The following UNC5B variants were observed in gnomAD, a reference collection of about 807,000 sequenced individuals.
UNC5B encodes unc-5 netrin receptor B, also known as netrin receptor UNC5B.
UNC5B carries 56 observed loss-of-function variants against 103.7 expected under a neutral mutation model. The ratio of observed to expected loss-of-function variants is 0.54; its 90% CI spans 0.44 to 0.67. The LOEUF is 0.67. Among genes scored for constraint, UNC5B ranks in the 30% least tolerant of loss-of-function variants. UNC5B has a pLI of 0.00. For missense variants in UNC5B, 1,194 were observed against 1,284.5 expected, an observed-to-expected ratio of 0.93 and a Z score of 1.08; for synonymous variants, 577 against 542.0, an observed-to-expected ratio of 1.06 and a Z score of -0.90.
At chr10:71,231,352 G>A (rs765237557) in intron 1 of UNC5B, among the ~76,000 whole-genome samples, 3 of 152,208 alleles carry the variant, frequency 2.0e-5, no homozygotes, top group Non-Finnish European at 2.9e-5. Flanking sequence ...GAGTGCTCTC[G>A]CACTGAGCTT....
intron 1 of UNC5B, among the ~76,000 whole-genome samples, chr10:71,232,264 T>G (rs1242775460): frequency 6.6e-6 from 1 of 152,178 alleles, no homozygotes; most frequent in Non-Finnish European, 1.5e-5. Flanking sequence ...CTATCTCATC[T>G]CCTCCTCTGA....
At chr10:71,286,080 C>T (rs895740134) in intron 4 of UNC5B, among the ~76,000 whole-genome samples, 1 of 152,212 alleles carries the variant, frequency 6.6e-6, no homozygotes, top group African/African-American at 2.4e-5. Flanking sequence ...TACCCCTGGC[C>T]CATATATGCT....
intron 1 of UNC5B, among the ~76,000 whole-genome samples, chr10:71,269,902 T>C (rs1432591227): frequency 6.6e-6 from 1 of 151,948 alleles, no homozygotes; most frequent in Admixed American, 6.5e-5. Context: ...TGAGTTGGGA[T>C]CTCAATGACA....
chr10:71,249,280 C>T (rs935863385), intron 1 of UNC5B, among the ~76,000 whole-genome samples: 1 of 152,214 alleles, frequency 6.6e-6, no homozygotes, highest in Non-Finnish European at 1.5e-5. Context: ...GCACCAGTAA[C>T]CTGGCATGGC....
chr10:71,293,725 C>T lies in UNC5B; in HGVS notation c.1967C>T (p.Thr656Ile), dbSNP rs1236048093. 13 of 1,590,518 alleles carry T rather than the reference C, an allele frequency of 8.2e-6. No individual in the cohort carries two copies. Among genetic ancestry groups the T allele is most frequent in the Admixed American group, 1.8e-5 (1 of 56,154 alleles). The change falls in exon 13 of 17, where the codon ACC becomes ATC. Residue 656 changes from threonine to isoleucine, a missense_variant. Physicochemically the swap from Thr to Ile is moderately conservative, Grantham distance 89 (BLOSUM62 -1). Coordinates refer to ENST00000335350, the MANE Select transcript of UNC5B (RefSeq NM_170744.5). ...WEEVVTLDEE[T>I]LNTPCYCQLE... ...GAGGTGGTGACCCTGGATGAGGAGACCCTGAACACACCCTGCTACTGCCAG... is the reference window on the plus strand; with the variant it reads ...GAGGTGGTGACCCTGGATGAGGAGATCCTGAACACACCCTGCTACTGCCAG...
At chr10:71,293,283 C>T (rs1200372146) in intron 11 of UNC5B, 122 bp from the exon 12 acceptor site, 16 of 1,130,984 alleles carry the variant, frequency 1.4e-5, no homozygotes, top group East Asian at 2.5e-5. Context: ...GAATGCAGAG[C>T]CCTGAGTGGC....
At chr10:71,288,793 C>T (rs1845163424) in intron 7 of UNC5B, 61 bp downstream of exon 7, 1 of 1,544,804 alleles carries the variant, frequency 6.5e-7, no homozygotes, top group Non-Finnish European at 8.8e-7. Context: ...TAAGGGTCCC[C>T]CAAACCCGGC....
intron 1 of UNC5B, among the ~76,000 whole-genome samples, chr10:71,224,042 A>C (rs923944124): frequency 6.6e-6 from 1 of 152,212 alleles, no homozygotes. Context: ...GGCAGCAACA[A>C]GCCTGGCCCA....
At chr10:71,297,749 C>T (rs887960587) in intron 15 of UNC5B, among the ~76,000 whole-genome samples, 160 bp from the exon 16 acceptor site, 1 of 152,230 alleles carries the variant, frequency 6.6e-6, no homozygotes, top group Non-Finnish European at 1.5e-5. Context: ...CCTTGGGAAC[C>T]GACCCTTCAA....
chr10:71,245,140 A>G (rs938855394), intron 1 of UNC5B, among the ~76,000 whole-genome samples: 1 of 152,126 alleles, frequency 6.6e-6, no homozygotes, highest in African/African-American at 2.4e-5. Flanking sequence ...CCTGGGGACC[A>G]CTTTTGAAAA....
At chr10:71,297,654 A>G (rs977188138) in intron 15 of UNC5B, among the ~76,000 whole-genome samples, 3 of 152,254 alleles carry the variant, frequency 2.0e-5, no homozygotes, top group African/African-American at 7.2e-5. Flanking sequence ...CTTCCTAACC[A>G]TGAGGCTGCA....
intron 10 of UNC5B, among the ~76,000 whole-genome samples, 198 bp downstream of exon 10, chr10:71,292,019 C>CA (rs1845277775): frequency 6.6e-6 from 1 of 152,214 alleles, no homozygotes; most frequent in Admixed American, 6.5e-5. Context: ...CCTATGCCCT[C>CA]ACTAGGGCAG....
intron 1 of UNC5B, among the ~76,000 whole-genome samples, chr10:71,250,462 A>G (rs1324734759): frequency 6.6e-6 from 1 of 152,144 alleles, no homozygotes; most frequent in Non-Finnish European, 1.5e-5. Flanking sequence ...TTTTCCTGAT[A>G]GCTCCAACCT....
intron 1 of UNC5B, among the ~76,000 whole-genome samples, chr10:71,266,204 C>T (rs1844519156): frequency 6.6e-6 from 1 of 152,056 alleles, no homozygotes; most frequent in South Asian, 2.1e-4. Context: ...GGGAACCAGG[C>T]TCAGAGGCAG....
intron 1 of UNC5B, among the ~76,000 whole-genome samples, chr10:71,222,655 C>T (rs1359606640): frequency 6.6e-6 from 1 of 152,128 alleles, no homozygotes; most frequent in African/African-American, 2.4e-5. Context: ...GGCCAGAGAG[C>T]CAAGGAGAGG....
intron 1 of UNC5B, among the ~76,000 whole-genome samples, chr10:71,244,403 C>T (rs527592084): frequency 1.3e-5 from 2 of 152,326 alleles, no homozygotes; most frequent in Non-Finnish European, 2.9e-5. Flanking sequence ...TGACACCTAG[C>T]CCCTGGGACG....
chr10:71,296,482 G>A (rs1307301950), intron 14 of UNC5B, 96 bp from the exon 15 acceptor site: 1 of 1,421,578 alleles, frequency 7.0e-7, no homozygotes, highest in East Asian at 2.4e-5. Context: ...GGCCTGAACT[G>A]CCCCCCAAAG....
In UNC5B at chr10:71,296,712, G is replaced by C. The variant is rs140171403; in HGVS notation, c.2460G>C (p.Gln820His). 2.6e-4 allele frequency: 420 copies of C among 1,594,890 alleles called. 1 individual carries two copies. The highest frequency in any genetic ancestry group is 3.5e-4 in the South Asian group (32 of 90,548). ...TGCGGCAAGTGGAAGGGGAGGGCCAGATATTCCAGCTGCATACCACTCTGG... is the reference window on the plus strand; with the variant it reads ...TGCGGCAAGTGGAAGGGGAGGGCCACATATTCCAGCTGCATACCACTCTGG... ...ICVRQVEGEG[Q>H]IFQLHTTLAE... The change falls in exon 15 of 17, where the codon CAG becomes CAC. Residue 820 changes from glutamine (Q) to histidine (H), a missense_variant. By Grantham distance (24) the Gln-to-His change is conservative. Coordinates refer to ENST00000335350, the MANE Select transcript of UNC5B (RefSeq NM_170744.5).
chr10:71,265,405 T>C (rs560976273), intron 1 of UNC5B, among the ~76,000 whole-genome samples: 26 of 152,228 alleles, frequency 1.7e-4, no homozygotes, highest in African/African-American at 6.0e-4. Context: ...GGACATTTCC[T>C]CCCCACCTGG....
Sources: allele counts gnomAD v4.1 joint callset (sites outside exome capture counted in the v4.1 genomes callset), GRCh38; gene constraint gnomAD v4.1.1; transcripts MANE v1.5; gene names NCBI Gene and HGNC (gene_info 2026-07-23, HGNC 2026-07-21).